FMN2: variants seen among roughly 807,000 people sequenced by gnomAD.
FMN2 encodes the protein formin-2.
In FMN2, 51 loss-of-function variants were observed where a neutral mutation model predicts 142.3. That is an observed-to-expected ratio of 0.36 (90% confidence interval 0.29 to 0.45). The LOEUF (loss-of-function observed/expected upper bound fraction) is 0.45. FMN2 is among the 20% of genes least tolerant of loss of function. The pLI is 1.00. For missense variants in FMN2, 1,936 were observed against 2,122.8 expected, an observed-to-expected ratio of 0.91 and a Z score of 1.73; for synonymous variants, 882 against 869.8, an observed-to-expected ratio of 1.01 and a Z score of -0.25.
At chr1:240,376,255 C>T (rs897901300) in intron 14 of FMN2, among the ~76,000 whole-genome samples, 1 of 151,922 alleles carries the variant, frequency 6.6e-6, no homozygotes, top group African/African-American at 2.4e-5. Context: ...AAAGTTGAGT[C>T]TTATTTTTCT....
chr1:240,475,103 T>C lies in FMN2; in HGVS notation c.*949T>C, dbSNP rs1414579611. 1.3e-5 allele frequency: 2 copies of C among 152,572 alleles called. No individual in the cohort carries two copies. The highest frequency in any genetic ancestry group is 2.9e-5 in the Non-Finnish European group (2 of 68,018). 9.5% of individuals were successfully genotyped at this position (152,572 alleles called of 1,614,324 possible). On this transcript the variant is annotated 3_prime_UTR_variant, in exon 18 of 18. Transcript: ENST00000319653. Reference sequence around the variant, plus strand: ...AAAGATCGCTATGTGCAATACTGTATTTAGTGTTTCTATTTCAATTTTTCT... The same window carrying C: ...AAAGATCGCTATGTGCAATACTGTACTTAGTGTTTCTATTTCAATTTTTCT...
intron 13 of FMN2, among the ~76,000 whole-genome samples, chr1:240,335,847 A>G (rs1671536134): frequency 6.6e-6 from 1 of 152,194 alleles, no homozygotes; most frequent in Non-Finnish European, 1.5e-5. Context: ...GTGGGTTTGA[A>G]AAGGACAAGC....
Position 240,108,668 on chromosome 1 carries a change from G to T in FMN2, c.1616-14511G>T, listed in dbSNP as rs143716973. Among the ~76,000 whole-genome samples, 1,394 of 152,232 alleles carry T rather than the reference G, an allele frequency of 9.2e-3. 19 individuals are homozygous for T. Among genetic ancestry groups the T allele is most frequent in the African/African-American group, 0.03 (1,261 of 41,542 alleles). On this transcript the variant is annotated intron_variant, in intron 1 of 17. Coordinates refer to ENST00000319653, the MANE Select transcript of FMN2 (RefSeq NM_020066.5). Reference sequence around the variant, plus strand: ...CATTTTGCATAAGATATAGTGGCCTGGAAGAAACAGAAACCTGTGTTGACA... The same window carrying T: ...CATTTTGCATAAGATATAGTGGCCTTGAAGAAACAGAAACCTGTGTTGACA...
At position 240,206,816 on chromosome 1, in the gene FMN2, G is replaced by T. The variant is rs1666369190; in HGVS notation, c.2004G>T (p.Lys668Asn). Residue 668 changes from lysine (K) to asparagine (N), a missense_variant, in exon 5 of 18, where the codon AAG becomes AAT. Lys to Asn is a moderately conservative substitution (Grantham distance 94). Coordinates refer to ENST00000319653, the MANE Select transcript of FMN2 (RefSeq NM_020066.5). The stretch of plus-strand genomic sequence containing the variant: ...CCCTTCAGGAAGTTGTTGACATGAA[G>T]TCTGAGGGACAGGCCACTGTAATTC... ...DAVQKEVVDM[K>N]SEGQATVIQQ... 3.7e-6 allele frequency: 6 copies of T among 1,609,884 alleles called. No homozygotes were observed. Among genetic ancestry groups the T allele is most frequent in the East Asian group, 2.2e-5 (1 of 44,744 alleles).
intron 13 of FMN2, among the ~76,000 whole-genome samples, chr1:240,354,025 A>G (rs555893508): frequency 6.6e-6 from 1 of 152,286 alleles, no homozygotes; most frequent in South Asian, 2.1e-4. Flanking sequence ...CAAGGTCTAC[A>G]TTGTAGCGAG....
intron 6 of FMN2, among the ~76,000 whole-genome samples, chr1:240,256,629 T>C (rs1195215250): frequency 6.6e-6 from 1 of 150,434 alleles, no homozygotes; most frequent in Non-Finnish European, 1.5e-5. Context: ...CATGCACCTG[T>C]AATCCCAGCT....
At chr1:240,460,921 G>T (rs1676428707) in intron 16 of FMN2, among the ~76,000 whole-genome samples, 1 of 152,118 alleles carries the variant, frequency 6.6e-6, no homozygotes. Context: ...CCCACTCTGG[G>T]CCTGCTGATT....
chr1:240,095,392 C>CAT (rs927617556), intron 1 of FMN2, among the ~76,000 whole-genome samples: 2 of 151,718 alleles, frequency 1.3e-5, no homozygotes, highest in African/African-American at 4.8e-5. Context: ...TGCATACACA[C>CAT]ACACACACAC....
At chr1:240,464,696 C>T (rs1676556400) in intron 16 of FMN2, among the ~76,000 whole-genome samples, 1 of 152,006 alleles carries the variant, frequency 6.6e-6, no homozygotes, top group Admixed American at 6.6e-5. Flanking sequence ...CCGTGCTGGC[C>T]CCGGACCCCC....
chr1:240,155,401 C>G (rs554300936), intron 2 of FMN2, among the ~76,000 whole-genome samples: 11 of 152,180 alleles, frequency 7.2e-5, no homozygotes, highest in Non-Finnish European at 1.5e-4. Context: ...ACTTCCACCT[C>G]CATCTCTGGA....
intron 5 of FMN2, 112 bp from the exon 6 acceptor site, chr1:240,210,979 C>A: frequency 1.1e-6 from 1 of 885,524 alleles, no homozygotes; most frequent in Non-Finnish European, 1.7e-6. Context: ...CTTCTTTTTC[C>A]CTCCTTCCCT....
rs77219080 is a variant in FMN2, at chr1:240,214,942, T to C, written c.4065+3707T>C. Reference sequence around the variant, plus strand: ...TTAGCTGGGTGCAGTGGTGCATGTCTGTCATCCCAGCTACTTGGGAAGCTG... The same window carrying C: ...TTAGCTGGGTGCAGTGGTGCATGTCCGTCATCCCAGCTACTTGGGAAGCTG... On this transcript the variant is annotated intron_variant, in intron 6 of 17. Transcript: ENST00000319653. Among the ~76,000 whole-genome samples, 981 of 152,188 alleles carry C rather than the reference T, an allele frequency of 6.4e-3. 13 individuals are homozygous for C. The highest frequency in any genetic ancestry group is 0.022 in the African/African-American group (930 of 41,520).
chr1:240,270,322 C>T (rs1166168486), intron 7 of FMN2, among the ~76,000 whole-genome samples: 1 of 152,070 alleles, frequency 6.6e-6, no homozygotes, highest in Non-Finnish European at 1.5e-5. Context: ...TTGTGGAAAA[C>T]AGTGTGAAGA....
chr1:240,427,747 TTAGA>T (rs151121866), intron 15 of FMN2, among the ~76,000 whole-genome samples: 1,883 of 152,318 alleles, frequency 0.012, 34 homozygotes, highest in African/African-American at 0.044. Flanking sequence ...TGTATTTCTT[TTAGA>T]TAGGTAGTTA....
chr1:240,438,452 A>G (rs556084748), intron 16 of FMN2, among the ~76,000 whole-genome samples: 8 of 152,322 alleles, frequency 5.3e-5, no homozygotes, highest in African/African-American at 1.4e-4. Context: ...ACTGTCGGGT[A>G]AATCAACTTC....
chr1:240,352,966 C>T (rs1208393061), intron 13 of FMN2, among the ~76,000 whole-genome samples: 1 of 152,136 alleles, frequency 6.6e-6, no homozygotes, highest in African/African-American at 2.4e-5. Flanking sequence ...AAGGGCTCAC[C>T]CCCTCAGAAG....
At chr1:240,361,179 A>ATATATATATATG (rs1672467593) in intron 14 of FMN2, among the ~76,000 whole-genome samples, 2 of 105,992 alleles carry the variant, frequency 1.9e-5, no homozygotes, top group Non-Finnish European at 4.3e-5. Flanking sequence ...ATATATATAT[A>ATATATATATATG]TATATAAAAG....
At chr1:240,360,725 T>C (rs1459939021) in intron 14 of FMN2, among the ~76,000 whole-genome samples, 2 of 152,310 alleles carry the variant, frequency 1.3e-5, no homozygotes, top group East Asian at 3.9e-4. Flanking sequence ...CCAACCCAAA[T>C]GTCCAACAAT....
intron 8 of FMN2, among the ~76,000 whole-genome samples, chr1:240,317,264 C>T (rs142837830): frequency 0.069 from 10,411 of 151,440 alleles, 423 homozygotes; most frequent in East Asian, 0.12. Flanking sequence ...TGCAGTGAGC[C>T]GATATCATGC....
Sources: gnomAD v4.1 joint callset for allele counts (sites outside exome capture counted in the v4.1 genomes callset) on GRCh38, gnomAD v4.1.1 for gene constraint, MANE v1.5 for transcripts, NCBI Gene and HGNC (gene_info 2026-07-23, HGNC 2026-07-21) for gene names.